Variants in RAC1 observed in about 807,000 individuals in gnomAD.
RAC1 encodes the protein ras-related C3 botulinum toxin substrate 1.
RAC1 carries 2 observed loss-of-function variants against 25.2 expected under a neutral mutation model. The observed-to-expected ratio is 0.08, with a 90% CI of 0.03 to 0.25. The LOEUF (loss-of-function observed/expected upper bound fraction) is 0.25. Ranked by LOEUF, RAC1 falls within the 10% of genes least tolerant of loss-of-function variation. The pLI is 1.00. For missense variants in RAC1, 50 were observed against 235.7 expected (o/e 0.21, Z 5.16); for synonymous variants, 88 against 94.0 (o/e 0.94, Z 0.37).
intron 1 of RAC1, among the ~76,000 whole-genome samples, chr7:6,384,316 A>T (rs1782861578): frequency 6.6e-6 from 1 of 152,060 alleles, no homozygotes; most frequent in Non-Finnish European, 1.5e-5. Flanking sequence ...GTCTGCCTTG[A>T]CTGAGTCCCT....
At position 6,403,100 on chromosome 7, in the gene RAC1, T is replaced by C. The variant is rs1050442005; in HGVS notation, c.*654T>C. 4 of 208,380 alleles carry C rather than the reference T, an allele frequency of 1.9e-5. No individual in the cohort carries two copies. In the East Asian group the frequency reaches 2.2e-4, roughly 11 times the overall value. 12.9% of individuals were successfully genotyped at this position (208,380 alleles called of 1,614,324 possible). On this transcript the variant is annotated 3_prime_UTR_variant, in exon 6 of 6. Coordinates refer to ENST00000348035, the MANE Select transcript of RAC1 (RefSeq NM_006908.5). ...TGAACAGAACTGCTATTTCCTCTAA[T>C]GAAGAATTCTGTTTAGCTGTGGGTG...
chr7:6,401,174 T>C (rs1783390586), intron 4 of RAC1, among the ~76,000 whole-genome samples: 1 of 152,192 alleles, frequency 6.6e-6, no homozygotes, highest in South Asian at 2.1e-4. Flanking sequence ...CAGGCTGGTC[T>C]CGAACCCCTG....
chr7:6,378,402 C>T (rs1015456346), intron 1 of RAC1, among the ~76,000 whole-genome samples: 6 of 151,664 alleles, frequency 4.0e-5, no homozygotes, highest in Admixed American at 1.3e-4. Context: ...AAAAATTAGC[C>T]GGGCGTGGTG....
At chr7:6,393,916 A>G (rs1479539097) in intron 3 of RAC1, among the ~76,000 whole-genome samples, 1 of 152,184 alleles carries the variant, frequency 6.6e-6, no homozygotes, top group African/African-American at 2.4e-5. Flanking sequence ...CTCAGATACC[A>G]GTGTCTGGAA....
chr7:6,394,363 A>T (rs1181931406), intron 3 of RAC1, among the ~76,000 whole-genome samples: 1 of 152,188 alleles, frequency 6.6e-6, no homozygotes, highest in Non-Finnish European at 1.5e-5. Flanking sequence ...TTCTCTTGAA[A>T]ATCTTTGCTA....
At chr7:6,400,909 A>C (rs1342649370) in intron 4 of RAC1, among the ~76,000 whole-genome samples, 1 of 152,134 alleles carries the variant, frequency 6.6e-6, no homozygotes, top group Non-Finnish European at 1.5e-5. Context: ...TCCCGACCTC[A>C]GGTGATCCGC....
Position 6,402,536 on chromosome 7 carries a change from A to AAACC in RAC1, c.*91_*92insACCA. The AAACC allele has an allele frequency of 1.1e-6, 1 of 947,916 alleles. No homozygotes were observed. Among genetic ancestry groups the AAACC allele is most frequent in the Non-Finnish European group, 1.3e-6 (1 of 748,832 alleles). 58.7% of individuals were successfully genotyped at this position (947,916 alleles called of 1,614,324 possible). ...ACAAAAAAAAAAAACAAAAAAAAAAAACAACGGTGGAGCCTTCGCACTCAA... is the reference window on the plus strand; with the variant it reads ...ACAAAAAAAAAAAACAAAAAAAAAAAAACCACAACGGTGGAGCCTTCGCACTCAA... On this transcript the variant is annotated 3_prime_UTR_variant, in exon 6 of 6. Coordinates refer to ENST00000348035, the MANE Select transcript of RAC1 (RefSeq NM_006908.5).
At chr7:6,396,826 C>G (rs534041397) in intron 3 of RAC1, among the ~76,000 whole-genome samples, 12 of 152,158 alleles carry the variant, frequency 7.9e-5, no homozygotes, top group South Asian at 4.2e-4. Flanking sequence ...GTCAGGAGAT[C>G]GAGACCATCC....
At chr7:6,376,622 C>G (rs537700570) in intron 1 of RAC1, among the ~76,000 whole-genome samples, 8 of 147,912 alleles carry the variant, frequency 5.4e-5, no homozygotes, top group Non-Finnish European at 1.2e-4. Flanking sequence ...GTGCCTTAGT[C>G]TCCCAAGTAG....
intron 2 of RAC1, among the ~76,000 whole-genome samples, chr7:6,389,412 T>G (rs1208936231): frequency 6.6e-6 from 1 of 151,862 alleles, no homozygotes; most frequent in African/African-American, 2.4e-5. Flanking sequence ...TAAAAAAGTT[T>G]GCTCACGCCT....
At chr7:6,376,224 C>G (rs376386540) in intron 1 of RAC1, among the ~76,000 whole-genome samples, 3 of 119,662 alleles carry the variant, frequency 2.5e-5, no homozygotes, top group African/African-American at 9.9e-5. Flanking sequence ...ACTCTGTTGC[C>G]CAGGCTGGAG....
At position 6,403,076 on chromosome 7, in the gene RAC1, G is replaced by T. The variant is rs899135374; in HGVS notation, c.*630G>T. The T allele has an allele frequency of 1.6e-4, 32 of 202,984 alleles. No homozygotes were observed. The highest frequency in any genetic ancestry group is 6.9e-4 in the African/African-American group (30 of 43,598). The allele number at this position is 202,984 out of a possible 1,614,324, so 12.6% of individuals were successfully genotyped here. A position where few individuals can be genotyped will look rare whatever the true frequency, so the allele number is the denominator to read the frequency against. On this transcript the variant is annotated 3_prime_UTR_variant, in exon 6 of 6. Transcript: ENST00000348035. ...TCTGACCAGCTTTTGCGGAGATTTT[G>T]AACAGAACTGCTATTTCCTCTAATG...
In RAC1 at chr7:6,402,502, C is replaced by CAA. The variant is rs1484553436; in HGVS notation, c.*64_*65dup. ...CCTTGGAACCTTTGTACGCTTTGCT[C>CAA]AAAAAAAAACAAAAAAAAAAAACAA... On this transcript the variant is annotated 3_prime_UTR_variant, in exon 6 of 6. Transcript: ENST00000348035. 7.4e-3 allele frequency: 787 copies of CAA among 105,964 alleles called. 85 individuals carry two copies. The highest frequency in any genetic ancestry group is 0.058 in the East Asian group (101 of 1,750). The allele number at this position is 105,964 out of a possible 1,614,324, so 6.6% of individuals were successfully genotyped here.
intron 3 of RAC1, among the ~76,000 whole-genome samples, chr7:6,397,238 C>G (rs1351440033): frequency 1.5e-5 from 1 of 66,436 alleles, no homozygotes. Flanking sequence ...GAGACTCTGT[C>G]TCAAAAAAAA....
intron 5 of RAC1, 144 bp downstream of exon 5, chr7:6,402,171 G>T: frequency 6.9e-7 from 1 of 1,442,812 alleles, no homozygotes; most frequent in Non-Finnish European, 9.4e-7. Flanking sequence ...AGGCCCTGTG[G>T]GTCTTAACGT....
intron 1 of RAC1, among the ~76,000 whole-genome samples, chr7:6,377,779 C>T (rs1455591368): frequency 1.3e-5 from 2 of 151,792 alleles, no homozygotes; most frequent in Non-Finnish European, 2.9e-5. Context: ...GCTGGGCACG[C>T]CTGTAATCCT....
intron 1 of RAC1, among the ~76,000 whole-genome samples, chr7:6,376,511 T>C (rs1247689450): frequency 3.4e-5 from 5 of 147,568 alleles, no homozygotes; most frequent in South Asian, 2.2e-4. Context: ...CTTTTCTTTT[T>C]TTTTTTTTTG....
chr7:6,392,071 CT>C (rs1562466770), intron 3 of RAC1, 30 bp downstream of exon 3: 2 of 1,613,478 alleles, frequency 1.2e-6, no homozygotes, highest in South Asian at 2.2e-5. Context: ...TTTAATGTGT[CT>C]TTTAGAGTAT....
chr7:6,390,179 C>G (rs981262602), intron 2 of RAC1, among the ~76,000 whole-genome samples: 1 of 147,084 alleles, frequency 6.8e-6, no homozygotes, highest in Non-Finnish European at 1.5e-5. Flanking sequence ...CCACCTCAGC[C>G]TATTGAGTAG....
Sources: gnomAD v4.1 joint callset for allele counts (sites outside exome capture counted in the v4.1 genomes callset) on GRCh38, gnomAD v4.1.1 for gene constraint, MANE v1.5 for transcripts, NCBI Gene and HGNC (gene_info 2026-07-23, HGNC 2026-07-21) for gene names.